TANGO6: variants seen among roughly 807,000 people sequenced by gnomAD.
TANGO6 encodes the protein transport and golgi organization 6 homolog.
A neutral mutation model predicts 114.2 loss-of-function variants in TANGO6; 90 were observed. The ratio of observed to expected loss-of-function variants is 0.79; its 90% confidence interval spans 0.66 to 0.94. TANGO6 has a LOEUF of 0.94. TANGO6 is among the 40% of genes least tolerant of loss of function. The probability of loss-of-function intolerance (pLI) is 0.00; values close to 1 mark genes in which losing one functional copy is unlikely to be tolerated. For synonymous variants in TANGO6, 477 were observed against 509.8 expected, an observed-to-expected ratio of 0.94 and a Z score of 0.87; for missense variants, 1,274 against 1,315.3, an observed-to-expected ratio of 0.97 and a Z score of 0.49.
At chr16:69,070,044 T>TAAAA (rs775552668) in intron 17 of TANGO6, among the ~76,000 whole-genome samples, 1 of 75,368 alleles carries the variant, frequency 1.3e-5, no homozygotes, top group Non-Finnish European at 2.6e-5. Flanking sequence ...CTGTCTGTAC[T>TAAAA]AAAAAAAAAA....
chr16:69,031,100 T>A (rs183994803), intron 16 of TANGO6, among the ~76,000 whole-genome samples: 60 of 152,020 alleles, frequency 3.9e-4, no homozygotes, highest in Non-Finnish European at 5.6e-4. Context: ...AAATTTTTTT[T>A]AAAAAAACTG....
chr16:68,966,090 A>G (rs1449861760), intron 14 of TANGO6, among the ~76,000 whole-genome samples: 1 of 152,110 alleles, frequency 6.6e-6, no homozygotes, highest in Non-Finnish European at 1.5e-5. Context: ...AAAATTAGCC[A>G]TGTGTGGTGG....
chr16:69,001,129 T>G (rs992578402), intron 15 of TANGO6, among the ~76,000 whole-genome samples: 4 of 152,208 alleles, frequency 2.6e-5, no homozygotes. Flanking sequence ...GAAATTTTAA[T>G]TACATACCAG....
intron 1 of TANGO6, among the ~76,000 whole-genome samples, chr16:68,850,319 C>G (rs1434822131): frequency 6.6e-6 from 1 of 151,970 alleles, no homozygotes. Context: ...ATTTGTATTT[C>G]TTTTATCTGA....
At chr16:68,951,612 C>CT (rs869222437) in intron 14 of TANGO6, among the ~76,000 whole-genome samples, 6,631 of 133,492 alleles carry the variant, frequency 0.05, 327 homozygotes, top group African/African-American at 0.11. Flanking sequence ...GGCCTCTGTT[C>CT]TTTTTTTTTT....
intron 10 of TANGO6, among the ~76,000 whole-genome samples, chr16:68,908,950 T>G (rs1055778425): frequency 1.3e-5 from 2 of 152,334 alleles, no homozygotes; most frequent in Admixed American, 6.5e-5. Flanking sequence ...TCAGTAGTGT[T>G]TTTGAGATCT....
intron 14 of TANGO6, among the ~76,000 whole-genome samples, chr16:68,955,925 A>T (rs1963526112): frequency 1.3e-5 from 2 of 152,014 alleles, no homozygotes; most frequent in Non-Finnish European, 2.9e-5. Flanking sequence ...CCGAGGCTGG[A>T]GGATTACCTG....
At chr16:68,847,892 C>T (rs1311106462) in intron 1 of TANGO6, among the ~76,000 whole-genome samples, 2 of 150,484 alleles carry the variant, frequency 1.3e-5, no homozygotes, top group African/African-American at 2.4e-5. Context: ...CCCAGCTACT[C>T]GGGAGGCTGA....
At chr16:69,054,030 A>C (rs911753759) in intron 17 of TANGO6, among the ~76,000 whole-genome samples, 1 of 151,966 alleles carries the variant, frequency 6.6e-6, no homozygotes, top group Non-Finnish European at 1.5e-5. Flanking sequence ...ACTCCATTGC[A>C]CTCCAGCCTG....
chr16:68,925,276 C>T (rs2152194650), intron 12 of TANGO6, among the ~76,000 whole-genome samples: 1 of 152,248 alleles, frequency 6.6e-6, no homozygotes, highest in South Asian at 2.1e-4. Flanking sequence ...TGCCATTGCA[C>T]TCCAGCCTGA....
At chr16:69,009,151 G>GGC (rs1964123173) in intron 15 of TANGO6, among the ~76,000 whole-genome samples, 1 of 134,698 alleles carries the variant, frequency 7.4e-6, no homozygotes, top group African/African-American at 2.9e-5. Flanking sequence ...GCGTGATCTC[G>GGC]GCTCACTGAA....
chr16:68,949,759 T>C (rs1963453436), intron 14 of TANGO6, among the ~76,000 whole-genome samples: 2 of 152,128 alleles, frequency 1.3e-5, no homozygotes, highest in Non-Finnish European at 1.5e-5. Flanking sequence ...ATGGTTATCA[T>C]GTGACCTATC....
rs1392792376 is a variant in TANGO6 at position 68,911,246 on chromosome 16, C to A, written c.1992+1844C>A. On this transcript the variant is annotated intron_variant, in intron 11 of 17. Coordinates refer to ENST00000261778, the MANE Select transcript of TANGO6 (RefSeq NM_024562.2). ...AGACAACAGGTGCACACCACCGTGC[C>A]CAGCTTAAAACCCTGTAATATTGAA... Among the ~76,000 whole-genome samples, 4 of 151,928 alleles carry A rather than the reference C, an allele frequency of 2.6e-5. No homozygotes were observed. The East Asian group carries it at 7.7e-4, about 29-fold the overall frequency.
At chr16:69,070,677 G>C (rs1960285951) in intron 17 of TANGO6, among the ~76,000 whole-genome samples, 2 of 149,320 alleles carry the variant, frequency 1.3e-5, no homozygotes, top group Admixed American at 6.7e-5. Context: ...ATCTTGGGGA[G>C]ATGTGCTCTG....
intron 14 of TANGO6, among the ~76,000 whole-genome samples, chr16:68,944,599 C>G (rs1963394070): frequency 6.6e-6 from 1 of 152,104 alleles, no homozygotes; most frequent in Non-Finnish European, 1.5e-5. Flanking sequence ...AGCAGGAGTG[C>G]CATCCAGGAG....
chr16:68,862,014 T>G (rs1962099083), intron 2 of TANGO6, among the ~76,000 whole-genome samples: 1 of 151,068 alleles, frequency 6.6e-6, no homozygotes, highest in African/African-American at 2.5e-5. Context: ...AGACATCTAT[T>G]TTTTTTTAAT....
At chr16:68,935,018 G>A (rs1963286692) in intron 14 of TANGO6, among the ~76,000 whole-genome samples, 1 of 152,240 alleles carries the variant, frequency 6.6e-6, no homozygotes, top group African/African-American at 2.4e-5. Flanking sequence ...TGATGGACAA[G>A]TTTGGACTAA....
At chr16:68,980,925 C>T (rs978306368) in intron 15 of TANGO6, among the ~76,000 whole-genome samples, 3 of 151,166 alleles carry the variant, frequency 2.0e-5, no homozygotes, top group African/African-American at 4.9e-5. Context: ...AATCTGGAGG[C>T]GGAGGTTGCA....
At chr16:68,940,878 C>T (rs1463865130) in intron 14 of TANGO6, among the ~76,000 whole-genome samples, 1 of 152,036 alleles carries the variant, frequency 6.6e-6, no homozygotes, top group African/African-American at 2.4e-5. Flanking sequence ...TAAAATATTT[C>T]CTATTGAAAT....
Sources: gnomAD v4.1 joint callset for allele counts (sites outside exome capture counted in the v4.1 genomes callset) on GRCh38, gnomAD v4.1.1 for gene constraint, MANE v1.5 for transcripts, NCBI Gene and HGNC (gene_info 2026-07-23, HGNC 2026-07-21) for gene names.